Variants in MLLT3 observed in about 807,000 individuals in gnomAD.
MLLT3 encodes the protein MLLT3 super elongation complex subunit.
In MLLT3, 4 loss-of-function variants were observed where a neutral mutation model predicts 53.2. The observed-to-expected ratio is 0.08, with a 90% confidence interval of 0.04 to 0.17. The LOEUF is 0.17. Ranked by LOEUF, MLLT3 falls within the 10% of genes least tolerant of loss-of-function variation. The probability of loss-of-function intolerance (pLI) is 1.00; values close to 1 mark genes in which losing one functional copy is unlikely to be tolerated. For missense variants in MLLT3, 569 were observed against 684.0 expected (o/e 0.83, Z 1.87); for synonymous variants, 283 against 230.6 (o/e 1.23, Z -2.06).
At chr9:20,560,930 C>G (rs1348999181) in intron 2 of MLLT3, among the ~76,000 whole-genome samples, 2 of 152,076 alleles carry the variant, frequency 1.3e-5, no homozygotes, top group Non-Finnish European at 1.5e-5. Flanking sequence ...ATTTCAAATC[C>G]TCTCTTCTAG....
chr9:20,475,987 T>C (rs1435884532), intron 2 of MLLT3, among the ~76,000 whole-genome samples: 1 of 152,152 alleles, frequency 6.6e-6, no homozygotes, highest in African/African-American at 2.4e-5. Flanking sequence ...CTAAAAGTTT[T>C]CCCAGTTATT....
intron 8 of MLLT3, among the ~76,000 whole-genome samples, chr9:20,359,571 G>A (rs1821265629): frequency 2.0e-5 from 3 of 152,176 alleles, no homozygotes; most frequent in South Asian, 2.1e-4. Flanking sequence ...TAACAAGAAC[G>A]GATTTGCATT....
chr9:20,521,446 CTG>C (rs1818054710), intron 2 of MLLT3, among the ~76,000 whole-genome samples: 1 of 129,448 alleles, frequency 7.7e-6, no homozygotes, highest in Admixed American at 7.9e-5. Flanking sequence ...CTCTCTCTCG[CTG>C]TGTGTGTATA....
intron 2 of MLLT3, among the ~76,000 whole-genome samples, chr9:20,617,179 T>C (rs1423149434): frequency 6.6e-6 from 1 of 152,204 alleles, no homozygotes; most frequent in South Asian, 2.1e-4. Flanking sequence ...ATCTTTTAAA[T>C]GACTCTGAAG....
At chr9:20,438,356 C>T (rs1823457300) in intron 4 of MLLT3, among the ~76,000 whole-genome samples, 2 of 152,158 alleles carry the variant, frequency 1.3e-5, no homozygotes, top group Admixed American at 6.5e-5. Context: ...CTACACTATG[C>T]TAGCCATGCC....
At chr9:20,470,237 T>C (rs926113240) in intron 2 of MLLT3, among the ~76,000 whole-genome samples, 4 of 151,968 alleles carry the variant, frequency 2.6e-5, no homozygotes, top group Admixed American at 6.6e-5. Context: ...GTGGAAAGTA[T>C]AGAATAGTGC....
intron 4 of MLLT3, among the ~76,000 whole-genome samples, chr9:20,438,282 G>T (rs1008139590): frequency 2.6e-5 from 4 of 152,152 alleles, no homozygotes; most frequent in African/African-American, 7.2e-5. Flanking sequence ...ACTGCAAATG[G>T]TTGTCCAGAT....
chr9:20,565,954 TTATATATATA>T (rs369630971), intron 2 of MLLT3, among the ~76,000 whole-genome samples: 1 of 34,696 alleles, frequency 2.9e-5, no homozygotes, highest in Non-Finnish European at 4.5e-5. Flanking sequence ...ATATATATAT[TTATATATATA>T]TATTTATATA....
chr9:20,381,208 T>C (rs1342803946), intron 5 of MLLT3, among the ~76,000 whole-genome samples: 1 of 151,938 alleles, frequency 6.6e-6, no homozygotes, highest in African/African-American at 2.4e-5. Context: ...TTTTAGTGCA[T>C]CAGAAAAACA....
In MLLT3 at chr9:20,487,193, T is replaced by C. The variant is rs187289195; in HGVS notation, c.194-30407A>G. Reference sequence around the variant, plus strand: ...AAGCAGAGCTAGTTTAACATGAAAATATTCCTCACCTCATCTTTCATTTCT... The same window carrying C: ...AAGCAGAGCTAGTTTAACATGAAAACATTCCTCACCTCATCTTTCATTTCT... On this transcript the variant is annotated intron_variant, in intron 2 of 10. Coordinates refer to ENST00000380338, the MANE Select transcript of MLLT3 (RefSeq NM_004529.4). Among the ~76,000 whole-genome samples the C allele has an allele frequency of 3.3e-5, 5 of 152,152 alleles. No homozygotes were observed. In the East Asian group the frequency reaches 9.7e-4, roughly 29 times the overall value.
In MLLT3 at chr9:20,608,599, A is replaced by G. The variant is rs1820626553; in HGVS notation, c.193+12055T>C. 2.7e-5 allele frequency among the ~76,000 whole-genome samples: 4 copies of G among 150,740 alleles called. No homozygotes were observed. The Admixed American group carries it at 2.7e-4, about 10-fold the overall frequency. ...AAAGCTTACGATCAACTTATGAAAC[A>G]TTGTGCAAATACTCATAGTAACATT... On this transcript the variant is annotated intron_variant, in intron 2 of 10. Coordinates refer to ENST00000380338, the MANE Select transcript of MLLT3 (RefSeq NM_004529.4).
intron 8 of MLLT3, among the ~76,000 whole-genome samples, chr9:20,359,145 CAAAAAAAAAAAAAAA>C (rs920197622): frequency 6.7e-4 from 14 of 20,982 alleles, no homozygotes; most frequent in East Asian, 6.3e-3. Flanking sequence ...AACTCCATCT[CAAAAAAAAAAAAAAA>C]AAAAAAAAAA....
intron 2 of MLLT3, among the ~76,000 whole-genome samples, chr9:20,545,502 G>C (rs1371259147): frequency 6.6e-6 from 1 of 152,170 alleles, no homozygotes; most frequent in Non-Finnish European, 1.5e-5. Flanking sequence ...CAACATGCAT[G>C]TGGTTGGCAA....
At chr9:20,555,067 T>C (rs1274965735) in intron 2 of MLLT3, among the ~76,000 whole-genome samples, 1 of 152,204 alleles carries the variant, frequency 6.6e-6, no homozygotes, top group South Asian at 2.1e-4. Context: ...AAGAAGTGTT[T>C]CGTGAAGCTA....
At chr9:20,537,003 C>T (rs1307526863) in intron 2 of MLLT3, among the ~76,000 whole-genome samples, 3 of 152,144 alleles carry the variant, frequency 2.0e-5, no homozygotes, top group African/African-American at 7.2e-5. Flanking sequence ...GTTTCAGAAA[C>T]ACAAACATCC....
At position 20,394,663 on chromosome 9, in the gene MLLT3, T is replaced by TG. The variant is rs545432022; in HGVS notation, c.1125+19057dup. Among the ~76,000 whole-genome samples, 35 of 152,248 alleles carry TG rather than the reference T, an allele frequency of 2.3e-4. 1 individual carries two copies. The East Asian group carries it at 3.1e-3, about 13-fold the overall frequency. On this transcript the variant is annotated intron_variant, in intron 5 of 10. Coordinates refer to ENST00000380338, the MANE Select transcript of MLLT3 (RefSeq NM_004529.4). ...TCCACCACAGAGATATCACCTTTTC[T>TG]GGGGGTTACCTTTAGTCACAAAGTG...
At chr9:20,605,446 T>C (rs982918835) in intron 2 of MLLT3, among the ~76,000 whole-genome samples, 1 of 152,004 alleles carries the variant, frequency 6.6e-6, no homozygotes, top group East Asian at 1.9e-4. Context: ...GTAATTTAAA[T>C]AAGTGACCCA....
chr9:20,371,532 C>T (rs1182290449), intron 5 of MLLT3, among the ~76,000 whole-genome samples: 1 of 152,148 alleles, frequency 6.6e-6, no homozygotes, highest in Non-Finnish European at 1.5e-5. Context: ...TCTACTTTGC[C>T]TGCGCTATAG....
intron 2 of MLLT3, among the ~76,000 whole-genome samples, chr9:20,540,715 A>G (rs1818608808): frequency 6.6e-6 from 1 of 152,230 alleles, no homozygotes; most frequent in Non-Finnish European, 1.5e-5. Context: ...GCTACTGTGA[A>G]GGTCTCTGAT....
Sources: allele counts gnomAD v4.1 joint callset (sites outside exome capture counted in the v4.1 genomes callset), GRCh38; gene constraint gnomAD v4.1.1; transcripts MANE v1.5; gene names NCBI Gene and HGNC (gene_info 2026-07-23, HGNC 2026-07-21).